The following MECOM variants were observed in gnomAD, a reference collection of about 807,000 sequenced individuals.
MECOM encodes MDS1 and EVI1 complex locus.
In MECOM, 13 loss-of-function variants were observed where a neutral mutation model predicts 116.3. The observed-to-expected ratio is 0.11, with a 90% CI of 0.07 to 0.18. The LOEUF is 0.18. MECOM is among the 10% of genes least tolerant of loss of function. MECOM has a pLI of 1.00. For synonymous variants in MECOM, 528 were observed against 535.2 expected, an observed-to-expected ratio of 0.99 and a Z score of 0.19; for missense variants, 1,299 against 1,509.0, an observed-to-expected ratio of 0.86 and a Z score of 2.31.
chr3:169,356,587 T>C (rs147722255), intron 2 of MECOM, among the ~76,000 whole-genome samples: 24 of 151,984 alleles, frequency 1.6e-4, no homozygotes, highest in African/African-American at 4.8e-4. Flanking sequence ...AGTTCTGACA[T>C]GTCATCTGAA....
At chr3:169,546,389 G>A (rs989827408) in intron 1 of MECOM, among the ~76,000 whole-genome samples, 2 of 152,142 alleles carry the variant, frequency 1.3e-5, no homozygotes, top group African/African-American at 4.8e-5. Context: ...GTGTTGGGAT[G>A]GAAGGGGCTT....
intron 1 of MECOM, among the ~76,000 whole-genome samples, chr3:169,519,738 C>G (rs1578328693): frequency 6.6e-6 from 1 of 152,356 alleles, no homozygotes; most frequent in East Asian, 1.9e-4. Flanking sequence ...AGGAAGACTC[C>G]TTTGCCCATT....
At chr3:169,193,501 C>A (rs542184849) in intron 2 of MECOM, among the ~76,000 whole-genome samples, 1 of 151,692 alleles carries the variant, frequency 6.6e-6, no homozygotes, top group African/African-American at 2.4e-5. Context: ...TTTCCTATCC[C>A]AAAATATCTT....
At chr3:169,594,168 A>C (rs1470455697) in intron 1 of MECOM, among the ~76,000 whole-genome samples, 1 of 144,636 alleles carries the variant, frequency 6.9e-6, no homozygotes, top group Non-Finnish European at 1.5e-5. Flanking sequence ...AAAAAAAAAA[A>C]AAAAAAAACA....
intron 1 of MECOM, among the ~76,000 whole-genome samples, chr3:169,465,702 C>T (rs544512777): frequency 2.0e-5 from 3 of 152,252 alleles, no homozygotes; most frequent in South Asian, 2.1e-4. Flanking sequence ...TTTAATATGA[C>T]TTTCTCACCA....
chr3:169,546,422 G>GA (rs1760728627), intron 1 of MECOM, among the ~76,000 whole-genome samples: 1 of 152,168 alleles, frequency 6.6e-6, no homozygotes, highest in Non-Finnish European at 1.5e-5. Context: ...ATTATTGGTA[G>GA]AAAAAGAGAA....
At chr3:169,189,847 G>T (rs2149418360) in intron 2 of MECOM, among the ~76,000 whole-genome samples, 1 of 152,072 alleles carries the variant, frequency 6.6e-6, no homozygotes, top group African/African-American at 2.4e-5. Flanking sequence ...TTCTAACTAT[G>T]TTCCTAAGTG....
chr3:169,084,965 T>C lies in MECOM; in HGVS notation c.3664A>G (p.Ser1222Gly). ...GATTCCGCCGCAGCCCTGGCCATACTGTGCCACACGTTGGAAGAACTGTGG... is the reference window on the plus strand; with the variant it reads ...GATTCCGCCGCAGCCCTGGCCATACCGTGCCACACGTTGGAAGAACTGTGG... Reference protein sequence around the residue: ...TSHSSSNVWHSMARAAAESSA... With the variant: ...TSHSSSNVWHGMARAAAESSA... Residue 1222 changes from serine (S) to glycine (G), a missense_variant, in exon 17 of 17, where the codon AGT becomes GGT. Physicochemically the swap from Ser to Gly is moderately conservative, Grantham distance 56. This residue lies in a region of MECOM where 273 missense variants were observed against 289.3 expected (regional missense o/e 0.94). Transcript: ENST00000651503. The C allele has an allele frequency of 3.7e-6, 6 of 1,614,156 alleles. No individual in the cohort carries two copies. The highest frequency in any genetic ancestry group is 5.1e-6 in the Non-Finnish European group (6 of 1,180,006).
At chr3:169,343,450 A>C (rs956340068) in intron 2 of MECOM, among the ~76,000 whole-genome samples, 2 of 152,174 alleles carry the variant, frequency 1.3e-5, no homozygotes, top group African/African-American at 2.4e-5. Flanking sequence ...CCACTGCTGC[A>C]CATTAACTCT....
chr3:169,286,663 T>C (rs1713386766), intron 2 of MECOM, among the ~76,000 whole-genome samples: 1 of 152,190 alleles, frequency 6.6e-6, no homozygotes, highest in Admixed American at 6.5e-5. Context: ...GAAAGGATTG[T>C]TGCTATATGA....
chr3:169,306,183 C>CT (rs1717664986), intron 2 of MECOM, among the ~76,000 whole-genome samples: 1 of 151,888 alleles, frequency 6.6e-6, no homozygotes, highest in Admixed American at 6.6e-5. Flanking sequence ...GATTATCTTC[C>CT]TTTGTATAAT....
At chr3:169,299,939 A>C (rs1364560363) in intron 2 of MECOM, among the ~76,000 whole-genome samples, 1 of 152,066 alleles carries the variant, frequency 6.6e-6, no homozygotes, top group African/African-American at 2.4e-5. Context: ...TTGATTCTTG[A>C]TTCCTTCCAT....
chr3:169,193,513 C>A (rs937441740), intron 2 of MECOM, among the ~76,000 whole-genome samples: 6 of 151,586 alleles, frequency 4.0e-5, no homozygotes, highest in Admixed American at 3.3e-4. Context: ...AAATATCTTA[C>A]AGAATAAGGA....
chr3:169,463,455 A>T (rs967059397), intron 1 of MECOM, among the ~76,000 whole-genome samples: 1 of 152,202 alleles, frequency 6.6e-6, no homozygotes, highest in African/African-American at 2.4e-5. Context: ...GGTGTTAAGC[A>T]ATATTTAAGC....
At chr3:169,311,806 C>T (rs1035841213) in intron 2 of MECOM, among the ~76,000 whole-genome samples, 1 of 152,054 alleles carries the variant, frequency 6.6e-6, no homozygotes, top group Non-Finnish European at 1.5e-5. Flanking sequence ...AGCTCATGAC[C>T]TTCTTCATGA....
intron 1 of MECOM, among the ~76,000 whole-genome samples, chr3:169,410,486 A>G (rs1918966): frequency 0.57 from 87,142 of 152,002 alleles, 25,443 homozygotes; most frequent in East Asian, 0.9. Flanking sequence ...ATAAGGAAGG[A>G]CAATAAGAGA....
chr3:169,191,044 T>C (rs1316273775), intron 2 of MECOM, among the ~76,000 whole-genome samples: 4 of 152,048 alleles, frequency 2.6e-5, no homozygotes, highest in Admixed American at 6.6e-5. Context: ...AATTCCCATC[T>C]GGGATGCTGA....
chr3:169,119,548 G>C (rs1365104864), intron 7 of MECOM, among the ~76,000 whole-genome samples: 1 of 152,056 alleles, frequency 6.6e-6, no homozygotes, highest in African/African-American at 2.4e-5. Context: ...TATATTTTCT[G>C]ACTTTTATTT....
intron 2 of MECOM, among the ~76,000 whole-genome samples, chr3:169,242,195 TTTC>T (rs1349093337): frequency 6.6e-6 from 1 of 152,098 alleles, no homozygotes; most frequent in East Asian, 1.9e-4. Flanking sequence ...CCTTCTTCTT[TTTC>T]TTCTTTTTAA....
Sources: gnomAD v4.1 joint callset for allele counts (sites outside exome capture counted in the v4.1 genomes callset) on GRCh38, gnomAD v4.1.1 for gene constraint, gnomAD v4.1.1 regional missense constraint, MANE v1.5 for transcripts, NCBI Gene and HGNC (gene_info 2026-07-23, HGNC 2026-07-21) for gene names.